The following FCHSD2 variants were observed in gnomAD, a reference collection of about 807,000 sequenced individuals.
FCHSD2 encodes F-BAR and double SH3 domains protein 2.
FCHSD2 carries 38 observed loss-of-function variants against 108.1 expected under a neutral mutation model. The observed-to-expected ratio is 0.35, with a 90% confidence interval of 0.27 to 0.46. FCHSD2 has a LOEUF of 0.46. Among genes scored for constraint, FCHSD2 ranks in the 20% least tolerant of loss-of-function variants. FCHSD2 has a pLI of 1.00. For synonymous variants in FCHSD2, 279 were observed against 314.7 expected (o/e 0.89, Z 1.20); for missense variants, 751 against 897.8 (o/e 0.84, Z 2.09).
intron 3 of FCHSD2, among the ~76,000 whole-genome samples, chr11:73,081,938 C>CA (rs1403068668): frequency 6.6e-6 from 1 of 152,128 alleles, no homozygotes; most frequent in Non-Finnish European, 1.5e-5. Flanking sequence ...CGCGGTGACT[C>CA]ACGCCTGTAA....
intron 12 of FCHSD2, among the ~76,000 whole-genome samples, chr11:72,886,499 G>T (rs1441123760): frequency 6.6e-6 from 1 of 152,040 alleles, no homozygotes; most frequent in African/African-American, 2.4e-5. Flanking sequence ...ACCACTCCTC[G>T]GCAGTTATGC....
intron 3 of FCHSD2, among the ~76,000 whole-genome samples, chr11:73,051,908 CACACA>C (rs757251510): frequency 1.7e-4 from 24 of 143,260 alleles, no homozygotes; most frequent in African/African-American, 6.3e-4. Flanking sequence ...CACACACACA[CACACA>C]CACCCCACAC....
intron 4 of FCHSD2, among the ~76,000 whole-genome samples, chr11:73,004,135 A>ATG (rs2135421133): frequency 7.9e-6 from 1 of 126,738 alleles, no homozygotes; most frequent in African/African-American, 2.9e-5. Flanking sequence ...AAAAAAAAAA[A>ATG]AGGATATCAA....
At chr11:73,008,297 C>A (rs1489775635) in intron 4 of FCHSD2, among the ~76,000 whole-genome samples, 1 of 152,050 alleles carries the variant, frequency 6.6e-6, no homozygotes, top group African/African-American at 2.4e-5. Flanking sequence ...CAAGACTGTA[C>A]CACTGCACTC....
At chr11:73,131,302 G>T (rs1860993112) in intron 2 of FCHSD2, among the ~76,000 whole-genome samples, 1 of 151,566 alleles carries the variant, frequency 6.6e-6, no homozygotes, top group South Asian at 2.1e-4. Context: ...TGGATCACAA[G>T]GTCAGGAGAT....
intron 8 of FCHSD2, among the ~76,000 whole-genome samples, chr11:72,948,060 T>C (rs1311531290): frequency 6.6e-6 from 1 of 152,186 alleles, no homozygotes; most frequent in Non-Finnish European, 1.5e-5. Flanking sequence ...CAGGCTGGAG[T>C]GCAGTGGTGC....
intron 8 of FCHSD2, among the ~76,000 whole-genome samples, chr11:72,975,539 T>C (rs1713821463): frequency 6.6e-6 from 1 of 152,166 alleles, no homozygotes; most frequent in Admixed American, 6.5e-5. Flanking sequence ...CCATGATATA[T>C]AATAAATATT....
chr11:72,938,425 GAAGGGTCTAGGATAGTT>G (rs1856347544), intron 8 of FCHSD2, among the ~76,000 whole-genome samples: 1 of 152,204 alleles, frequency 6.6e-6, no homozygotes, highest in Admixed American at 6.5e-5. Context: ...ATTGAGACCA[GAAGGGTCTAGGATAGTT>G]AAGGGTGTTC....
chr11:72,858,125 C>G lies in FCHSD2; in HGVS notation c.1309-8236G>C, dbSNP rs560928361. Among the ~76,000 whole-genome samples, 11 of 152,252 alleles carry G rather than the reference C, an allele frequency of 7.2e-5. No individual in the cohort carries two copies. In the South Asian group the frequency reaches 2.3e-3, roughly 32 times the overall value. Reference sequence around the variant, plus strand: ...TTTGTTTTTACGAGGAAGGGAGAATCCAGATAAAGAATCTGGTAATACCTA... The same window carrying G: ...TTTGTTTTTACGAGGAAGGGAGAATGCAGATAAAGAATCTGGTAATACCTA... On this transcript the variant is annotated intron_variant, in intron 13 of 19. Transcript: ENST00000409418.
chr11:72,868,385 A>G (rs1247074095), intron 12 of FCHSD2, among the ~76,000 whole-genome samples: 1 of 152,196 alleles, frequency 6.6e-6, no homozygotes, highest in Non-Finnish European at 1.5e-5. Context: ...AGCATTAAAA[A>G]GAATAGCTAA....
At chr11:73,000,518 A>G (rs548669638) in intron 5 of FCHSD2, among the ~76,000 whole-genome samples, 1 of 152,324 alleles carries the variant, frequency 6.6e-6, no homozygotes, top group South Asian at 2.1e-4. Flanking sequence ...ATTAAAGTTT[A>G]GAGTCCATCA....
intron 9 of FCHSD2, among the ~76,000 whole-genome samples, chr11:72,907,372 T>C (rs950644145): frequency 1.3e-5 from 2 of 152,214 alleles, no homozygotes; most frequent in Non-Finnish European, 2.9e-5. Flanking sequence ...AATACTATGT[T>C]GAATACAAAT....
At chr11:72,977,689 G>T (rs1857129442) in intron 8 of FCHSD2, among the ~76,000 whole-genome samples, 2 of 152,246 alleles carry the variant, frequency 1.3e-5, no homozygotes, top group African/African-American at 4.8e-5. Flanking sequence ...GTGCTGGAGA[G>T]GATGTGAAGA....
chr11:72,997,006 A>G (rs1857530190), intron 5 of FCHSD2, among the ~76,000 whole-genome samples: 1 of 152,216 alleles, frequency 6.6e-6, no homozygotes, highest in African/African-American at 2.4e-5. Flanking sequence ...TAGGGATGCC[A>G]AAAGAACAGG....
chr11:73,057,468 C>T (rs959496243), intron 3 of FCHSD2, among the ~76,000 whole-genome samples: 25 of 152,186 alleles, frequency 1.6e-4, no homozygotes, highest in African/African-American at 5.8e-4. Context: ...TCACAGCCAA[C>T]AGAGGTAGGC....
At chr11:72,967,214 A>G in intron 8 of FCHSD2, among the ~76,000 whole-genome samples, 1 of 151,776 alleles carries the variant, frequency 6.6e-6, no homozygotes, top group Non-Finnish European at 1.5e-5. Flanking sequence ...AAAAAAAAAA[A>G]AAGTTAAGAA....
intron 8 of FCHSD2, among the ~76,000 whole-genome samples, chr11:72,966,788 T>C (rs962313079): frequency 6.6e-6 from 1 of 152,160 alleles, no homozygotes; most frequent in Non-Finnish European, 1.5e-5. Context: ...TTACAAGGAT[T>C]ATTTTGAAGG....
intron 16 of FCHSD2, 112 bp downstream of exon 16, chr11:72,843,039 A>G: frequency 9.3e-7 from 1 of 1,074,746 alleles, no homozygotes; most frequent in East Asian, 2.5e-5. Flanking sequence ...AGAAAAGCAT[A>G]TTATAGGACA....
At chr11:73,043,552 AAT>A (rs1356456149) in intron 3 of FCHSD2, among the ~76,000 whole-genome samples, 1 of 152,198 alleles carries the variant, frequency 6.6e-6, no homozygotes, top group Non-Finnish European at 1.5e-5. Context: ...GTATAGATAA[AAT>A]ATATTCAGAT....
Sources: gnomAD v4.1 joint callset for allele counts (sites outside exome capture counted in the v4.1 genomes callset) on GRCh38, gnomAD v4.1.1 for gene constraint, MANE v1.5 for transcripts, NCBI Gene and HGNC (gene_info 2026-07-23, HGNC 2026-07-21) for gene names.